Variants in ITGAE observed in about 807,000 individuals in gnomAD.
ITGAE encodes the protein integrin subunit alpha E, also known as integrin alpha-E.
ITGAE carries 99 observed loss-of-function variants against 136.5 expected under a neutral mutation model. That is an observed-to-expected ratio of 0.73 (90% confidence interval 0.62 to 0.86). The LOEUF (loss-of-function observed/expected upper bound fraction) is 0.86, where lower values mean the gene tolerates loss of function less well. Among genes scored for constraint, ITGAE ranks in the 40% least tolerant of loss-of-function variants. The pLI is 0.00. For synonymous variants in ITGAE, 613 were observed against 591.8 expected (o/e 1.04, Z -0.52); for missense variants, 1,447 against 1,515.3 (o/e 0.95, Z 0.75).
intron 2 of ITGAE, among the ~76,000 whole-genome samples, chr17:3,776,442 G>A (rs1195863673): frequency 6.6e-6 from 1 of 152,238 alleles, no homozygotes; most frequent in African/African-American, 2.4e-5. Context: ...CACGCTGACT[G>A]CAGAGAAGGG....
At chr17:3,762,511 T>A (rs1390740477) in intron 3 of ITGAE, among the ~76,000 whole-genome samples, 6 of 152,034 alleles carry the variant, frequency 3.9e-5, no homozygotes, top group African/African-American at 1.4e-4. Flanking sequence ...ACTGTCTTAT[T>A]TTTCAGTCAT....
intron 10 of ITGAE, among the ~76,000 whole-genome samples, chr17:3,756,223 CCT>C (rs202044211): frequency 1.2e-4 from 2 of 16,944 alleles, no homozygotes; most frequent in Non-Finnish European, 2.6e-4. Context: ...ATATTGTTGG[CCT>C]TTTTTTTTTT....
rs2053211835 is a variant in ITGAE, at chr17:3,799,993, C to T, written c.34+1118G>A. Among the ~76,000 whole-genome samples, 1 of 152,144 alleles carries T rather than the reference C, an allele frequency of 6.6e-6. No homozygotes were observed. Among genetic ancestry groups the T allele is most frequent in the Non-Finnish European group, 1.5e-5 (1 of 68,018 alleles). ...AATTAGCCAGGCGTGGTGGCAGGCG[C>T]CTGTAATCCCAGCTACTCGGGAGGC... On this transcript the variant is annotated intron_variant, in intron 1 of 30. Transcript: ENST00000263087. The surrounding 1 kb of genome is among the most constrained non-coding windows in gnomAD (Gnocchi z 4.1).
chr17:3,783,699 G>T (rs2052715235), intron 1 of ITGAE, among the ~76,000 whole-genome samples: 1 of 151,932 alleles, frequency 6.6e-6, no homozygotes, highest in African/African-American at 2.4e-5. Context: ...CTCAGCAGTA[G>T]ATTTCAGGAA....
At chr17:3,722,965 T>G (rs2051088127) in intron 28 of ITGAE, among the ~76,000 whole-genome samples, 2 of 152,214 alleles carry the variant, frequency 1.3e-5, no homozygotes, top group Non-Finnish European at 2.9e-5. Context: ...TAGCTTGAAT[T>G]ACAACGGCAG....
chr17:3,784,276 AT>A, intron 1 of ITGAE: 4 of 348,042 alleles, frequency 1.1e-5, no homozygotes, highest in Non-Finnish European at 1.1e-5. Flanking sequence ...ATAAAATAAA[AT>A]AAAAAAATAA....
At chr17:3,796,783 C>G (rs564619107) in intron 1 of ITGAE, among the ~76,000 whole-genome samples, 1 of 152,084 alleles carries the variant, frequency 6.6e-6, no homozygotes, top group Non-Finnish European at 1.5e-5. Flanking sequence ...CCCAGCACAC[C>G]GGGCAATTTC....
intron 18 of ITGAE, 114 bp from the exon 19 acceptor site, chr17:3,743,731 C>G (rs1358605837): frequency 2.0e-5 from 21 of 1,030,320 alleles, no homozygotes; most frequent in Non-Finnish European, 2.8e-5. Flanking sequence ...GAGATGGAGT[C>G]TTGCTCTGTT....
intron 1 of ITGAE, among the ~76,000 whole-genome samples, chr17:3,781,634 G>A (rs552133847): frequency 6.6e-6 from 1 of 152,350 alleles, no homozygotes; most frequent in Admixed American, 6.5e-5. Context: ...TGGGATTACA[G>A]GCGTGAGCCA....
At chr17:3,724,125 G>A in intron 26 of ITGAE, 2 of 1,594,562 alleles carry the variant, frequency 1.3e-6, no homozygotes, top group Admixed American at 1.7e-5. Flanking sequence ...CGACGATCCT[G>A]ACGATCCCGA....
chr17:3,794,974 C>A (rs1314466680), intron 1 of ITGAE, among the ~76,000 whole-genome samples: 1 of 152,172 alleles, frequency 6.6e-6, no homozygotes, highest in Non-Finnish European at 1.5e-5. Flanking sequence ...TGCCTCCAGG[C>A]CTCGACACAG....
At chr17:3,731,608 C>T (rs572048965) in intron 22 of ITGAE, among the ~76,000 whole-genome samples, 2 of 151,186 alleles carry the variant, frequency 1.3e-5, no homozygotes, top group African/African-American at 4.8e-5. Flanking sequence ...TCCCAAAGTG[C>T]TGGGATTACA....
In ITGAE at chr17:3,798,301, G is replaced by C. The variant is rs1202593401; in HGVS notation, c.34+2810C>G. ...TTCTCTTCACACAGGGGCTGGGATAGGGGTGGCCTCGCCTCTGCCCGCACC... is the reference window on the plus strand; with the variant it reads ...TTCTCTTCACACAGGGGCTGGGATACGGGTGGCCTCGCCTCTGCCCGCACC... On this transcript the variant is annotated intron_variant, in intron 1 of 30. Transcript: ENST00000263087. This position sits in a 1 kb window ranked among gnomAD's most constrained non-coding sequence, Gnocchi z 4.3. Among the ~76,000 whole-genome samples, 5 of 152,184 alleles carry C rather than the reference G, an allele frequency of 3.3e-5. No homozygotes were observed. Among genetic ancestry groups the C allele is most frequent in the African/African-American group, 7.2e-5 (3 of 41,434 alleles).
rs184391872 is a variant in ITGAE, at chr17:3,765,811, T to C, written c.156-1851A>G. ...CTGACCTCTATCTGCCACCAGGATC[T>C]GGGGGCTGGGTCACTGTCTTCCTTG... On this transcript the variant is annotated intron_variant, in intron 2 of 30. Transcript: ENST00000263087. Among the ~76,000 whole-genome samples, 316 of 152,258 alleles carry C rather than the reference T, an allele frequency of 2.1e-3. 2 individuals are homozygous for C. Among genetic ancestry groups the C allele is most frequent in the African/African-American group, 7.4e-3 (306 of 41,558 alleles).
intron 15 of ITGAE, among the ~76,000 whole-genome samples, chr17:3,750,904 A>AG (rs1303134061): frequency 6.6e-6 from 1 of 150,880 alleles, no homozygotes; most frequent in African/African-American, 2.4e-5. Context: ...TGGAAGATGG[A>AG]GAGGAGGAGG....
intron 2 of ITGAE, among the ~76,000 whole-genome samples, chr17:3,771,088 T>C (rs1177730643): frequency 1.4e-5 from 2 of 147,352 alleles, no homozygotes; most frequent in Non-Finnish European, 3.0e-5. Flanking sequence ...GGATCAACTC[T>C]GAGGGATTAA....
At chr17:3,784,635 CA>C (rs1314366683) in intron 1 of ITGAE, among the ~76,000 whole-genome samples, 1 of 152,136 alleles carries the variant, frequency 6.6e-6, no homozygotes, top group Non-Finnish European at 1.5e-5. Context: ...CCTCGTGATC[CA>C]CCCACCTCAG....
chr17:3,755,102 T>A lies in ITGAE; in HGVS notation c.1384+15A>T. On this transcript the variant is annotated intron_variant, in intron 12 of 30. Transcript: ENST00000263087. Reference sequence around the variant, plus strand: ...ATCAGGTGGCCCCGCCCTCATCAGGTGGCCCCGCCCTCACCCAGGTAGCTG... The same window carrying A: ...ATCAGGTGGCCCCGCCCTCATCAGGAGGCCCCGCCCTCACCCAGGTAGCTG... 6.4e-7 allele frequency: 1 copy of A among 1,561,138 alleles called. No individual in the cohort carries two copies.
chr17:3,791,071 C>T (rs942872947), intron 1 of ITGAE, among the ~76,000 whole-genome samples: 1 of 148,434 alleles, frequency 6.7e-6, no homozygotes. Context: ...AGGAGAATGG[C>T]GTGAACCCAG....
Sources: gnomAD v4.1 joint callset for allele counts (sites outside exome capture counted in the v4.1 genomes callset) on GRCh38, gnomAD v4.1.1 for gene constraint, Gnocchi (gnomAD v3.1) non-coding constraint, MANE v1.5 for transcripts, NCBI Gene and HGNC (gene_info 2026-07-23, HGNC 2026-07-21) for gene names.